Variants in KCNK9 observed in about 807,000 individuals in gnomAD.
The protein encoded by KCNK9 is potassium channel subfamily K member 9.
Under a neutral mutation model 10.8 loss-of-function variants are expected in KCNK9, and 1 was observed. That is an observed-to-expected ratio of 0.09 (90% CI 0.03 to 0.44). The LOEUF (loss-of-function observed/expected upper bound fraction) is 0.44, where lower values mean the gene tolerates loss of function less well. Among genes scored for constraint, KCNK9 ranks in the 20% least tolerant of loss-of-function variants. KCNK9 has a pLI of 0.97. For synonymous variants in KCNK9, 231 were observed against 222.7 expected, an observed-to-expected ratio of 1.04 and a Z score of -0.33; for missense variants, 303 against 515.0, an observed-to-expected ratio of 0.59 and a Z score of 3.98.
At chr8:139,604,738 C>T (rs2545433) in intron 2 of KCNK9, among the ~76,000 whole-genome samples, 12 of 152,112 alleles carry the variant, frequency 7.9e-5, no homozygotes, top group African/African-American at 2.2e-4. Flanking sequence ...CCAGGGCTCA[C>T]GCCCATCTGT....
chr8:139,670,046 T>C (rs1312898911), intron 1 of KCNK9, among the ~76,000 whole-genome samples: 1 of 152,204 alleles, frequency 6.6e-6, no homozygotes, highest in Non-Finnish European at 1.5e-5. Context: ...GGTCTCAATA[T>C]TGGGCTTAAA....
intron 1 of KCNK9, among the ~76,000 whole-genome samples, chr8:139,668,471 G>C (rs567615514): frequency 4.1e-5 from 6 of 145,360 alleles, no homozygotes; most frequent in Non-Finnish European, 7.4e-5. Flanking sequence ...GCCCAGGTTA[G>C]AGTGCAATGG....
chr8:139,666,417 C>T (rs1371546328), intron 1 of KCNK9, among the ~76,000 whole-genome samples: 1 of 152,246 alleles, frequency 6.6e-6, no homozygotes, highest in African/African-American at 2.4e-5. Context: ...GCAGGAGCCT[C>T]TCGGGTTTAA....
chr8:139,647,851 G>A (rs1474060704), intron 1 of KCNK9, among the ~76,000 whole-genome samples: 3 of 152,176 alleles, frequency 2.0e-5, no homozygotes, highest in Admixed American at 6.5e-5. Context: ...GACTGAAAAT[G>A]GCGCAGCTGC....
rs756232954 is a variant in KCNK9 at position 139,703,013 on chromosome 8, C to A, written c.-21G>T. ...TTCATGGCCGCCAGCAAGGAGCCGG[C>A]GCGGGGGGCATGTCCCGCAGGCTCA... is the stretch of plus-strand genomic sequence containing the variant. On this transcript the variant is annotated 5_prime_UTR_variant, in exon 1 of 2. Coordinates refer to ENST00000520439, the MANE Select transcript of KCNK9 (RefSeq NM_001282534.2). This position sits in a 1 kb window ranked among gnomAD's most constrained non-coding sequence, Gnocchi z 6.4. The A allele has an allele frequency of 2.6e-6, 4 of 1,547,008 alleles. No homozygotes were observed. The highest frequency in any genetic ancestry group is 3.5e-6 in the Non-Finnish European group (4 of 1,149,110).
At chr8:139,648,926 C>A (rs1172197978) in intron 1 of KCNK9, among the ~76,000 whole-genome samples, 3 of 152,178 alleles carry the variant, frequency 2.0e-5, no homozygotes, top group African/African-American at 4.8e-5. Context: ...GACAGGTAAT[C>A]ATCTTAGCAT....
intron 1 of KCNK9, among the ~76,000 whole-genome samples, chr8:139,697,427 G>T (rs924500111): frequency 6.6e-6 from 1 of 151,636 alleles, no homozygotes; most frequent in Non-Finnish European, 1.5e-5. Context: ...ATAGACAGAT[G>T]GATGGATGTG....
chr8:139,620,907 C>CT lies in KCNK9; in HGVS notation c.284-1809dup, dbSNP rs529418723. Among the ~76,000 whole-genome samples, 574 of 152,174 alleles carry CT rather than the reference C, an allele frequency of 3.8e-3. 3 individuals carry two copies. The highest frequency in any genetic ancestry group is 0.013 in the African/African-American group (537 of 41,528). ...GAATAAAGAAGATTGAAAATAAAGC[C>CT]TGGGGGGAGCTGTAGGGCAATATCA... is the stretch of plus-strand genomic sequence containing the variant. On this transcript the variant is annotated intron_variant, in intron 1 of 1. Coordinates refer to ENST00000520439, the MANE Select transcript of KCNK9 (RefSeq NM_001282534.2).
At chr8:139,644,755 C>T (rs1815623631) in intron 1 of KCNK9, among the ~76,000 whole-genome samples, 1 of 143,314 alleles carries the variant, frequency 7.0e-6, no homozygotes, top group South Asian at 2.2e-4. Flanking sequence ...CTGGCTGCTA[C>T]AATCCCAGCA....
At chr8:139,655,759 C>T (rs572821467) in intron 1 of KCNK9, among the ~76,000 whole-genome samples, 1 of 152,278 alleles carries the variant, frequency 6.6e-6, no homozygotes, top group African/African-American at 2.4e-5. Context: ...GGGGCTCTGC[C>T]AATCAGAGCC....
intron 1 of KCNK9, among the ~76,000 whole-genome samples, chr8:139,697,985 C>A (rs1817103674): frequency 6.6e-6 from 1 of 152,158 alleles, no homozygotes; most frequent in Non-Finnish European, 1.5e-5. Context: ...CTCCTCTGGG[C>A]CCACCCCATG....
intron 1 of KCNK9, among the ~76,000 whole-genome samples, chr8:139,682,947 C>T (rs1161624974): frequency 6.6e-6 from 1 of 151,802 alleles, no homozygotes; most frequent in Non-Finnish European, 1.5e-5. Context: ...AAACAAAACT[C>T]AAAGGAAAAA....
At chr8:139,627,711 A>T (rs1406769104) in intron 1 of KCNK9, among the ~76,000 whole-genome samples, 1 of 152,268 alleles carries the variant, frequency 6.6e-6, no homozygotes, top group African/African-American at 2.4e-5. Flanking sequence ...TATACATCCT[A>T]ATACCCTAGC....
chr8:139,640,175 G>A (rs1815460029), intron 1 of KCNK9, among the ~76,000 whole-genome samples: 1 of 152,188 alleles, frequency 6.6e-6, no homozygotes, highest in Non-Finnish European at 1.5e-5. Flanking sequence ...TCTACCCCAG[G>A]CACCATGCTA....
downstream of KCNK9, among the ~76,000 whole-genome samples, chr8:139,608,693 C>T (rs181427970): frequency 2.0e-4 from 30 of 152,284 alleles, no homozygotes; most frequent in East Asian, 5.2e-3. Context: ...TACTGCACGC[C>T]GTACCCAGCT....
At chr8:139,629,298 A>G (rs558423807) in intron 1 of KCNK9, among the ~76,000 whole-genome samples, 1 of 152,360 alleles carries the variant, frequency 6.6e-6, no homozygotes, top group South Asian at 2.1e-4. Flanking sequence ...AGGCCTACAC[A>G]GCGTGCCCCA....
intron 1 of KCNK9, among the ~76,000 whole-genome samples, chr8:139,667,015 G>C (rs530826854): frequency 6.6e-6 from 1 of 152,334 alleles, no homozygotes; most frequent in Admixed American, 6.5e-5. Flanking sequence ...GGTGAGGCCT[G>C]CCCGTCCACC....
At chr8:139,671,526 TTTTA>T (rs1226931236) in intron 1 of KCNK9, among the ~76,000 whole-genome samples, 3 of 140,816 alleles carry the variant, frequency 2.1e-5, no homozygotes, top group African/African-American at 2.7e-5. Context: ...TTTTTTTTTT[TTTTA>T]GATGGAGTCT....
At chr8:139,604,700 C>T (rs1817448531) in intron 2 of KCNK9, among the ~76,000 whole-genome samples, 1 of 152,182 alleles carries the variant, frequency 6.6e-6, no homozygotes, top group Non-Finnish European at 1.5e-5. Context: ...TAAATTAAGC[C>T]TCAATCACTA....
Sources: gnomAD v4.1 joint callset for allele counts (sites outside exome capture counted in the v4.1 genomes callset) on GRCh38, gnomAD v4.1.1 for gene constraint, Gnocchi (gnomAD v3.1) non-coding constraint, MANE v1.5 for transcripts, NCBI Gene and HGNC (gene_info 2026-07-23, HGNC 2026-07-21) for gene names.